PCDHA6: variants seen among roughly 807,000 people sequenced by gnomAD.
PCDHA6 encodes protocadherin alpha 6.
Under a neutral mutation model 60.3 loss-of-function variants are expected in PCDHA6, and 55 were observed. The observed-to-expected ratio is 0.91, with a 90% CI of 0.73 to 1.14. The LOEUF (loss-of-function observed/expected upper bound fraction) is 1.14. Among genes scored for constraint, PCDHA6 ranks in the 50% most tolerant of loss-of-function variants. PCDHA6 has a pLI of 0.00. For missense variants in PCDHA6, 1,327 were observed against 1,256.5 expected (o/e 1.06, Z -0.85); for synonymous variants, 652 against 557.9 (o/e 1.17, Z -2.38).
rs2150240930 is a variant in PCDHA6 at position 140,835,656 on chromosome 5, G to A, written c.2394+5171G>A. The A allele has an allele frequency of 1.2e-4, 192 of 1,613,824 alleles. 3 individuals carry two copies. Among genetic ancestry groups the A allele is most frequent in the Non-Finnish European group, 1.5e-4 (179 of 1,179,886 alleles). On this transcript the variant is annotated intron_variant, in intron 1 of 3. Coordinates refer to ENST00000529310, the MANE Select transcript of PCDHA6 (RefSeq NM_018909.4). The stretch of plus-strand genomic sequence containing the variant: ...GAGTGTGTCCGCCTATGAGCTGGTG[G>A]TTACCGCGCGGGACGGGGGCTCGCC...
At chr5:140,840,375 A>G (rs1776670697) in intron 1 of PCDHA6, among the ~76,000 whole-genome samples, 1 of 151,962 alleles carries the variant, frequency 6.6e-6, no homozygotes, top group Non-Finnish European at 1.5e-5. Context: ...AGAAAATGAA[A>G]ATAGGGGGTT....
chr5:140,964,305 A>T (rs1163722863), intron 1 of PCDHA6, among the ~76,000 whole-genome samples: 1 of 152,246 alleles, frequency 6.6e-6, no homozygotes, highest in African/African-American at 2.4e-5. Flanking sequence ...AATACCTACA[A>T]GGCCTAAAAC....
At chr5:140,989,533 T>C (rs114286041) in intron 3 of PCDHA6, among the ~76,000 whole-genome samples, 1,576 of 152,276 alleles carry the variant, frequency 0.01, 12 homozygotes, top group Middle Eastern at 0.058. Flanking sequence ...AGGAGGAAGA[T>C]AGTTTGTAAT....
At position 140,857,227 on chromosome 5, in the gene PCDHA6, G is replaced by T. The variant is rs148283153; in HGVS notation, c.2394+26742G>T. On this transcript the variant is annotated intron_variant, in intron 1 of 3. Transcript: ENST00000529310. ...CCTGCTCTCTGACGCCTCACGTTCC[G>T]TTCAAGCTGGTGTCCACCTACAAGA... is the stretch of plus-strand genomic sequence containing the variant. The T allele has an allele frequency of 7.5e-6, 12 of 1,598,330 alleles. No homozygotes were observed. In the African/African-American group the frequency reaches 1.5e-4, roughly 20 times the overall value.
intron 3 of PCDHA6, among the ~76,000 whole-genome samples, chr5:140,996,953 TCCCTCAATC>T (rs1554255576): frequency 6.6e-6 from 1 of 152,202 alleles, no homozygotes; most frequent in Non-Finnish European, 1.5e-5. Flanking sequence ...AATATTTATT[TCCCTCAATC>T]CCACTCCCCT....
At chr5:140,966,654 T>G (rs1048894569) in intron 1 of PCDHA6, 2 of 1,185,100 alleles carry the variant, frequency 1.7e-6, no homozygotes, top group Non-Finnish European at 2.2e-6. Flanking sequence ...GCGTGAGCGG[T>G]GGGGGAGCAG....
intron 1 of PCDHA6, chr5:140,871,311 C>A (rs782501180): frequency 6.2e-7 from 1 of 1,613,922 alleles, no homozygotes; most frequent in African/African-American, 1.3e-5. Flanking sequence ...CGGGGAAGCC[C>A]ACGCTGGTGT....
chr5:140,843,088 C>G lies in PCDHA6; in HGVS notation c.2394+12603C>G, dbSNP rs1554139726. On this transcript the variant is annotated intron_variant, in intron 1 of 3. Coordinates refer to ENST00000529310, the MANE Select transcript of PCDHA6 (RefSeq NM_018909.4). Reference sequence around the variant, plus strand: ...TGCCGCGGTCTGTGGGCGCGGGCCACGTGGTAGCGAAGGTGCGCGCAGTGG... The same window carrying G: ...TGCCGCGGTCTGTGGGCGCGGGCCAGGTGGTAGCGAAGGTGCGCGCAGTGG... The G allele has an allele frequency of 7.5e-6, 12 of 1,595,530 alleles. 2 individuals carry two copies. Among genetic ancestry groups the G allele is most frequent in the African/African-American group, 6.7e-5 (5 of 74,528 alleles).
chr5:140,875,556 C>T (rs781896642), intron 1 of PCDHA6: 4 of 1,614,128 alleles, frequency 2.5e-6, no homozygotes, highest in South Asian at 2.2e-5. Context: ...AGGTGGGGAG[C>T]GGCCAGCTCC....
At chr5:140,918,853 C>T (rs1348069562) in intron 1 of PCDHA6, among the ~76,000 whole-genome samples, 4 of 152,134 alleles carry the variant, frequency 2.6e-5, no homozygotes, top group Non-Finnish European at 5.9e-5. Context: ...CTGCTGGTGC[C>T]TGAATCATGA....
At chr5:140,881,304 C>T (rs1011967816) in intron 1 of PCDHA6, 1 of 965,928 alleles carries the variant, frequency 1.0e-6, no homozygotes, top group South Asian at 4.8e-5. Flanking sequence ...AAACTTTAAC[C>T]TCCTGGTTAA....
intron 1 of PCDHA6, chr5:140,875,344 A>C: frequency 6.9e-7 from 1 of 1,442,996 alleles, no homozygotes; most frequent in Non-Finnish European, 9.1e-7. Flanking sequence ...TCGACTCCAT[A>C]ATGACTGTGA....
intron 1 of PCDHA6, chr5:140,853,670 T>G: frequency 1.0e-6 from 1 of 988,378 alleles, no homozygotes; most frequent in Non-Finnish European, 1.2e-6. Flanking sequence ...AATTGGGGCC[T>G]ATGGTCAACC....
At chr5:140,948,849 C>A (rs2094312653) in intron 1 of PCDHA6, among the ~76,000 whole-genome samples, 1 of 151,046 alleles carries the variant, frequency 6.6e-6, no homozygotes, top group Admixed American at 6.6e-5. Flanking sequence ...GTATTATTTG[C>A]CTTCTTATAT....
At chr5:140,851,384 C>T (rs1414767152) in intron 1 of PCDHA6, 1 of 975,562 alleles carries the variant, frequency 1.0e-6, no homozygotes, top group East Asian at 1.1e-4. Flanking sequence ...CAGCAACCTT[C>T]AGTATCTATT....
chr5:140,926,903 G>GT, intron 1 of PCDHA6: 1 of 1,558,060 alleles, frequency 6.4e-7, no homozygotes, highest in Non-Finnish European at 8.7e-7. Context: ...ATGGTGGGCT[G>GT]TGGGGTGGCA....
Position 140,974,355 on chromosome 5 carries a change from C to T in PCDHA6, c.2395-4594C>T, listed in dbSNP as rs113314336. Among the ~76,000 whole-genome samples the T allele has an allele frequency of 6.8e-3, 1,038 of 152,272 alleles. 15 individuals are homozygous for T. The highest frequency in any genetic ancestry group is 0.024 in the African/African-American group (1,003 of 41,550). ...AGCAGGCTATGCATCCAGAACTAAA[C>T]AGACCTAGCACTTTCTGTTGTACTG... is the stretch of plus-strand genomic sequence containing the variant. On this transcript the variant is annotated intron_variant, in intron 1 of 3. Transcript: ENST00000529310.
intron 1 of PCDHA6, chr5:140,869,327 T>C: frequency 6.2e-7 from 1 of 1,613,922 alleles, no homozygotes; most frequent in Non-Finnish European, 8.5e-7. Context: ...GGGGACCTTC[T>C]GGAGGTAAAT....
At position 140,943,102 on chromosome 5, in the gene PCDHA6, A is replaced by G. The variant is rs142380810; in HGVS notation, c.2395-35847A>G. 2.6e-3 allele frequency among the ~76,000 whole-genome samples: 391 copies of G among 151,972 alleles called. 4 individuals are homozygous for G. In the East Asian group the frequency reaches 0.045, roughly 17 times the overall value. ...TGAAATCCTGCCTCTACTAAAAAAT[A>G]CAAAAATTAGCCAGGTGTGGTAGTG... On this transcript the variant is annotated intron_variant, in intron 1 of 3. Transcript: ENST00000529310.
Sources: gnomAD v4.1 joint callset for allele counts (sites outside exome capture counted in the v4.1 genomes callset) on GRCh38, gnomAD v4.1.1 for gene constraint, MANE v1.5 for transcripts, NCBI Gene and HGNC (gene_info 2026-07-23, HGNC 2026-07-21) for gene names.